The following COL23A1 variants were observed in gnomAD, a reference collection of about 807,000 sequenced individuals.
The protein encoded by COL23A1 is collagen type XXIII alpha 1 chain.
Under a neutral mutation model 99.3 loss-of-function variants are expected in COL23A1, and 97 were observed. That is an observed-to-expected ratio of 0.98 (90% confidence interval 0.83 to 1.16). The LOEUF (loss-of-function observed/expected upper bound fraction) is 1.16, where lower values mean the gene tolerates loss of function less well. Among genes scored for constraint, COL23A1 ranks in the 50% most tolerant of loss-of-function variants. The probability of loss-of-function intolerance (pLI) is 0.00; values close to 1 mark genes in which losing one functional copy is unlikely to be tolerated. For missense variants in COL23A1, 762 were observed against 757.4 expected (o/e 1.01, Z -0.07); for synonymous variants, 320 against 308.2 (o/e 1.04, Z -0.40).
rs189608382 is a variant in COL23A1, at chr5:178,400,093, G to A, written c.362-93174C>T. The stretch of plus-strand genomic sequence containing the variant: ...TAAATCTACATGGAATAGGCTGGGC[G>A]CTGTGGCTCACACCTGTAATCCCAG... On this transcript the variant is annotated intron_variant, in intron 2 of 28. Transcript: ENST00000390654. Among the ~76,000 whole-genome samples the A allele has an allele frequency of 3.0e-3, 454 of 152,220 alleles. 1 individual carries two copies. Among genetic ancestry groups the A allele is most frequent in the African/African-American group, 0.01 (422 of 41,530 alleles).
Position 178,306,996 on chromosome 5 carries a change from C to T in COL23A1, c.362-77G>A, listed in dbSNP as rs1380917739. On this transcript the variant is annotated intron_variant, in intron 2 of 28. Coordinates refer to ENST00000390654, the MANE Select transcript of COL23A1 (RefSeq NM_173465.4). This position sits in a 1 kb window ranked among gnomAD's most constrained non-coding sequence, Gnocchi z 4.1. ...GGCTGCGTGGGGCATGCCCCAGCCA[C>T]CCACCTGTCCGCTCGCAACAGCTTT... 4 of 1,103,872 alleles carry T rather than the reference C, an allele frequency of 3.6e-6. No individual in the cohort carries two copies. Among genetic ancestry groups the T allele is most frequent in the Non-Finnish European group, 4.9e-6 (4 of 810,394 alleles). 68.4% of individuals were successfully genotyped at this position (1,103,872 alleles called of 1,614,324 possible).
intron 2 of COL23A1, among the ~76,000 whole-genome samples, chr5:178,456,176 C>G (rs1767781230): frequency 6.6e-6 from 1 of 152,116 alleles, no homozygotes; most frequent in African/African-American, 2.4e-5. Context: ...ACCTTGCCAC[C>G]ATAATAAGTT....
chr5:178,590,129 G>A lies in COL23A1; in HGVS notation c.69C>T (p.Gly23=), dbSNP rs932878051. The change falls in exon 1 of 29, where the codon GGC becomes GGT. Residue 23 remains glycine, a synonymous_variant. Transcript: ENST00000390654. The surrounding 1 kb of genome is among the most constrained non-coding windows in gnomAD (Gnocchi z 5.7). Reference sequence around the variant, plus strand: ...CGGCCGTCGTCGCCGAGCGCCCTCCGCCGCCGCCGCCCGCCGCATTGCCCT... The same window carrying A: ...CGGCCGTCGTCGCCGAGCGCCCTCCACCGCCGCCGCCCGCCGCATTGCCCT... ...AGKGNAAGGG[G]GGRSATTAGS... The A allele has an allele frequency of 3.2e-6, 4 of 1,231,814 alleles. No homozygotes were observed. The highest frequency in any genetic ancestry group is 3.2e-4 in the Middle Eastern group (1 of 3,148). The allele number at this position is 1,231,814 out of a possible 1,614,324, so 76.3% of individuals were successfully genotyped here.
chr5:178,577,327 G>T (rs1763426098), intron 1 of COL23A1, among the ~76,000 whole-genome samples: 1 of 152,178 alleles, frequency 6.6e-6, no homozygotes. Flanking sequence ...GTTGGATCAG[G>T]GCCCCCCCAC....
chr5:178,358,465 G>C, intron 2 of COL23A1, among the ~76,000 whole-genome samples: 1 of 147,730 alleles, frequency 6.8e-6, no homozygotes, highest in Non-Finnish European at 1.5e-5. Context: ...ATGCGTATGT[G>C]TATGTGCGTA....
At chr5:178,513,510 A>G (rs1355802705) in intron 2 of COL23A1, among the ~76,000 whole-genome samples, 1 of 152,132 alleles carries the variant, frequency 6.6e-6, no homozygotes, top group East Asian at 1.9e-4. Flanking sequence ...CCAGGCTAAA[A>G]TCAAGGTGTA....
At position 178,502,995 on chromosome 5, in the gene COL23A1, C is replaced by T. The variant is rs185048071; in HGVS notation, c.361+57687G>A. On this transcript the variant is annotated intron_variant, in intron 2 of 28. Coordinates refer to ENST00000390654, the MANE Select transcript of COL23A1 (RefSeq NM_173465.4). ...CCCCACACACGATGCCAGTCACAGA[C>T]GAGCACAGTCAGGAACGTTAGAAAA... 3.9e-5 allele frequency among the ~76,000 whole-genome samples: 6 copies of T among 152,292 alleles called. No homozygotes were observed. In the East Asian group the frequency reaches 7.7e-4, roughly 20 times the overall value.
chr5:178,515,889 GA>G lies in COL23A1; in HGVS notation c.361+44792del, dbSNP rs374154487. On this transcript the variant is annotated intron_variant, in intron 2 of 28. Coordinates refer to ENST00000390654, the MANE Select transcript of COL23A1 (RefSeq NM_173465.4). The stretch of plus-strand genomic sequence containing the variant: ...TGTTCACAGGAGCTCTCAGCTGCTG[GA>G]TGGAGTTGGACCCGGTCCAGTGCTC... Among the ~76,000 whole-genome samples the G allele has an allele frequency of 8.8e-4, 133 of 151,964 alleles. 1 individual carries two copies. In the East Asian group the frequency reaches 0.02, roughly 22 times the overall value.
intron 2 of COL23A1, among the ~76,000 whole-genome samples, chr5:178,408,848 G>C (rs1189633865): frequency 6.6e-6 from 1 of 151,648 alleles, no homozygotes; most frequent in South Asian, 2.1e-4. Flanking sequence ...CCAGATACTT[G>C]GGAGGTTGAG....
chr5:178,341,828 TC>T (rs1433132175), intron 2 of COL23A1, among the ~76,000 whole-genome samples: 1 of 152,150 alleles, frequency 6.6e-6, no homozygotes, highest in Non-Finnish European at 1.5e-5. Flanking sequence ...CCTTGGCTCT[TC>T]CTGTTTCTGG....
Position 178,246,441 on chromosome 5 carries a change from C to G in COL23A1, c.1309G>C (p.Ala437Pro). 18 of 1,572,044 alleles carry G rather than the reference C, an allele frequency of 1.1e-5. No individual in the cohort carries two copies. Among genetic ancestry groups the G allele is most frequent in the Non-Finnish European group, 1.6e-5 (18 of 1,157,698 alleles). Residue 437 changes from alanine (A) to proline (P), a missense_variant, in exon 23 of 29, where the codon GCA becomes CCA. Transcript: ENST00000390654. ...CCCGACGCACCCTTCTCTCCCTTTG[C>G]TCCATCCAAGCCCTGGAGGCAAAGG... ...GIQGPKGLDGAKGEKGASGER... is the reference protein window; with the variant it reads ...GIQGPKGLDGPKGEKGASGER...
intron 2 of COL23A1, among the ~76,000 whole-genome samples, chr5:178,541,881 T>C (rs1021126973): frequency 3.3e-4 from 50 of 152,084 alleles, no homozygotes; most frequent in African/African-American, 1.1e-3. Context: ...GCAGAACCAG[T>C]CTCTTAGGTG....
intron 2 of COL23A1, among the ~76,000 whole-genome samples, chr5:178,357,441 C>T (rs1487310969): frequency 1.3e-5 from 2 of 152,220 alleles, no homozygotes; most frequent in African/African-American, 4.8e-5. Context: ...GGCATGCAGG[C>T]TCTTGCTGGG....
intron 2 of COL23A1, among the ~76,000 whole-genome samples, chr5:178,552,294 C>G (rs951378419): frequency 6.6e-6 from 1 of 151,936 alleles, no homozygotes; most frequent in African/African-American, 2.4e-5. Context: ...GTAGGAGAGA[C>G]GAATGAATGA....
In COL23A1 at chr5:178,310,430, T is replaced by C. The variant is rs1758609627; in HGVS notation, c.362-3511A>G. Among the ~76,000 whole-genome samples, 1 of 152,220 alleles carries C rather than the reference T, an allele frequency of 6.6e-6. No homozygotes were observed. The highest frequency in any genetic ancestry group is 6.5e-5 in the Admixed American group (1 of 15,290). ...GACCCTTTTCCTCCAGGACTCCCTG[T>C]GCCCGCCCCGCAGGCTCACCTTCTG... is the stretch of plus-strand genomic sequence containing the variant. On this transcript the variant is annotated intron_variant, in intron 2 of 28. Transcript: ENST00000390654. The surrounding 1 kb of genome is among the most constrained non-coding windows in gnomAD (Gnocchi z 4.3).
rs1006516570 is a variant in COL23A1, at chr5:178,280,120, G to A, written c.441+8204C>T. The stretch of plus-strand genomic sequence containing the variant: ...ATGAACGTCCATCCTGCTGGCTCTC[G>A]TGCCCGGCCAGGGAACACTAGAGGG... On this transcript the variant is annotated intron_variant, in intron 5 of 28. Transcript: ENST00000390654. This position sits in a 1 kb window ranked among gnomAD's most constrained non-coding sequence, Gnocchi z 4.9. Among the ~76,000 whole-genome samples the A allele has an allele frequency of 1.3e-5, 2 of 152,238 alleles. No individual in the cohort carries two copies. Among genetic ancestry groups the A allele is most frequent in the African/African-American group, 4.8e-5 (2 of 41,468 alleles).
At chr5:178,477,469 G>A (rs972077845) in intron 2 of COL23A1, among the ~76,000 whole-genome samples, 1 of 152,164 alleles carries the variant, frequency 6.6e-6, no homozygotes, top group African/African-American at 2.4e-5. Flanking sequence ...AAAACAAATG[G>A]CTTGTTTAAA....
At chr5:178,515,676 G>C (rs1009741840) in intron 2 of COL23A1, among the ~76,000 whole-genome samples, 2 of 152,062 alleles carry the variant, frequency 1.3e-5, no homozygotes, top group African/African-American at 4.8e-5. Context: ...GCCTCTGCTG[G>C]ACCCTAGGTC....
At chr5:178,504,775 G>A (rs1758772488) in intron 2 of COL23A1, among the ~76,000 whole-genome samples, 1 of 152,182 alleles carries the variant, frequency 6.6e-6, no homozygotes, top group Non-Finnish European at 1.5e-5. Context: ...ACAAGGGGGT[G>A]GCCAGCACTG....
Sources: gnomAD v4.1 joint callset for allele counts (sites outside exome capture counted in the v4.1 genomes callset) on GRCh38, gnomAD v4.1.1 for gene constraint, Gnocchi (gnomAD v3.1) non-coding constraint, MANE v1.5 for transcripts, NCBI Gene and HGNC (gene_info 2026-07-23, HGNC 2026-07-21) for gene names.